Variants in NHSL2 observed in about 807,000 individuals in gnomAD.
NHSL2 encodes NHS like 2, also known as NHS-like protein 2.
In NHSL2, 27 loss-of-function variants were observed where a neutral mutation model predicts 53.4. That is an observed-to-expected ratio of 0.51 (90% CI 0.37 to 0.70). The LOEUF is 0.70. Ranked by LOEUF, NHSL2 falls within the 30% of genes least tolerant of loss-of-function variation. The pLI is 0.00. For synonymous variants in NHSL2, 408 were observed against 404.1 expected, an observed-to-expected ratio of 1.01 and a Z score of -0.12; for missense variants, 892 against 980.1, an observed-to-expected ratio of 0.91 and a Z score of 1.20.
intron 1 of NHSL2, among the ~76,000 whole-genome samples, chrX:71,995,502 G>A (rs996751629): frequency 8.9e-6 from 1 of 111,855 alleles, no homozygotes; most frequent in Admixed American, 9.4e-5. Flanking sequence ...CTCTGCACCA[G>A]CCACACTGGC....
chrX:72,082,453 T>G (rs1035133346), intron 1 of NHSL2, among the ~76,000 whole-genome samples: 1 of 111,957 alleles, frequency 8.9e-6, no homozygotes, highest in Non-Finnish European at 1.9e-5. Context: ...TGAGATGCAT[T>G]GTCTTTGCAT....
chrX:71,968,246 A>G (rs1362022412), intron 1 of NHSL2, among the ~76,000 whole-genome samples: 1 of 109,581 alleles, frequency 9.1e-6, no homozygotes, highest in Non-Finnish European at 1.9e-5. Context: ...CAGTCCTCCT[A>G]CCTTGGCCTC....
intron 1 of NHSL2, among the ~76,000 whole-genome samples, chrX:72,073,824 T>C (rs192841720): frequency 5.4e-4 from 61 of 112,498 alleles, no homozygotes; most frequent in African/African-American, 1.9e-3. Flanking sequence ...TTAGTAACCC[T>C]GGAGACTGGA....
chrX:71,924,950 T>A (rs1322743089), intron 1 of NHSL2, among the ~76,000 whole-genome samples: 12 of 112,519 alleles, frequency 1.1e-4, no homozygotes, highest in African/African-American at 3.9e-4. Flanking sequence ...TTATGTATTA[T>A]CATCTTTTAG....
Position 72,010,388 on chromosome X carries a change from G to T in NHSL2, c.280+99021G>T, listed in dbSNP as rs140183553. Among the ~76,000 whole-genome samples the T allele has an allele frequency of 5.5e-3, 612 of 112,014 alleles. 5 individuals carry two copies. Among genetic ancestry groups the T allele is most frequent in the African/African-American group, 0.019 (583 of 30,822 alleles). On this transcript the variant is annotated intron_variant, in intron 1 of 7. Coordinates refer to ENST00000633930, the MANE Select transcript of NHSL2 (RefSeq NM_001013627.3). ...TCTAGAACAATGTAGTTGTGTCCAGGCTGATGTTTTTATTATACAAATAAC... is the reference window on the plus strand; with the variant it reads ...TCTAGAACAATGTAGTTGTGTCCAGTCTGATGTTTTTATTATACAAATAAC...
chrX:72,048,324 T>G (rs187468232), intron 1 of NHSL2, among the ~76,000 whole-genome samples: 50 of 110,383 alleles, frequency 4.5e-4, no homozygotes, highest in African/African-American at 1.6e-3. Context: ...GAAAAGGTGG[T>G]TATTAGGAAG....
At chrX:72,074,135 C>T (rs936699862) in intron 1 of NHSL2, among the ~76,000 whole-genome samples, 11 of 110,033 alleles carry the variant, frequency 1.0e-4, no homozygotes, top group Non-Finnish European at 1.7e-4. Context: ...TCCCTCTCCC[C>T]GCAAGCAACC....
intron 6 of NHSL2, chrX:72,141,035 A>T (rs766979012): frequency 7.2e-5 from 20 of 277,579 alleles, no homozygotes; most frequent in African/African-American, 5.0e-4. Context: ...GAGATAATGA[A>T]ATCAAACTAG....
At chrX:72,049,712 C>G (rs2042328804) in intron 1 of NHSL2, among the ~76,000 whole-genome samples, 1 of 108,076 alleles carries the variant, frequency 9.3e-6, no homozygotes, top group Non-Finnish European at 1.9e-5. Flanking sequence ...GTTCTTACCT[C>G]AGGCAATGAT....
At chrX:72,069,353 T>TGGA (rs1245944296) in intron 1 of NHSL2, among the ~76,000 whole-genome samples, 1 of 94,787 alleles carries the variant, frequency 1.1e-5, no homozygotes, top group African/African-American at 4.2e-5. Flanking sequence ...GAACCTGGGC[T>TGGA]GCTCGACCCG....
intron 2 of NHSL2, among the ~76,000 whole-genome samples, 176 bp downstream of exon 2, chrX:72,132,410 A>G (rs1452079957): frequency 9.0e-6 from 1 of 111,426 alleles, no homozygotes; most frequent in Non-Finnish European, 1.9e-5. Context: ...GAAAGAGGCT[A>G]TTTCCAGGGC....
chrX:71,999,315 C>T (rs926827342), intron 1 of NHSL2, among the ~76,000 whole-genome samples: 1 of 112,273 alleles, frequency 8.9e-6, no homozygotes, highest in Admixed American at 9.4e-5. Flanking sequence ...CCCTAGAGGG[C>T]GCTCAATAAA....
chrX:72,121,942 T>C (rs2042184883), intron 1 of NHSL2, among the ~76,000 whole-genome samples: 1 of 112,482 alleles, frequency 8.9e-6, no homozygotes, highest in Non-Finnish European at 1.9e-5. Flanking sequence ...TTGTTGTAAG[T>C]ATCTCAAAAA....
rs55912050 is a variant in NHSL2 at position 72,144,704 on chromosome X, G to GCA, written c.*1171_*1172dup. Reference sequence around the variant, plus strand: ...CTTGCCAGTTGCTATGGCCCATAATGCACACACACACACACACACACACAC... The same window carrying GCA: ...CTTGCCAGTTGCTATGGCCCATAATGCACACACACACACACACACACACACAC... On this transcript the variant is annotated 3_prime_UTR_variant, in exon 8 of 8. Coordinates refer to ENST00000633930, the MANE Select transcript of NHSL2 (RefSeq NM_001013627.3). 3,450 of 158,996 alleles carry GCA rather than the reference G, an allele frequency of 0.022. 158 individuals carry two copies. Among genetic ancestry groups the GCA allele is most frequent in the African/African-American group, 0.11 (3,102 of 27,390 alleles). The allele number at this position is 158,996 out of a possible 1,213,427, so 13.1% of individuals were successfully genotyped here.
intron 1 of NHSL2, among the ~76,000 whole-genome samples, chrX:72,046,663 G>A (rs2042307450): frequency 9.0e-6 from 1 of 110,689 alleles, no homozygotes; most frequent in African/African-American, 3.3e-5. Flanking sequence ...CTAGACTGAG[G>A]ATTATGCTCT....
rs2147512357 is a variant in NHSL2 at position 72,131,664 on chromosome X, A to T, written c.281-415A>T. 3 of 624,257 alleles carry T rather than the reference A, an allele frequency of 4.8e-6. No homozygotes were observed. The East Asian group carries it at 1.2e-4, about 26-fold the overall frequency. 51.4% of individuals were successfully genotyped at this position (624,257 alleles called of 1,213,427 possible). On this transcript the variant is annotated intron_variant, in intron 1 of 7. Transcript: ENST00000633930. ...AGGGACCGAAGTGCGGCAGCGGGGC[A>T]CGGGCCAGGCCGGGCCACACCCACC...
intron 1 of NHSL2, among the ~76,000 whole-genome samples, chrX:71,982,874 A>G (rs183117204): frequency 1.8e-5 from 2 of 112,428 alleles, no homozygotes; most frequent in East Asian, 5.6e-4. Flanking sequence ...TAGCAAATTA[A>G]TAGAAGAAAA....
At chrX:72,033,743 G>T (rs2042227603) in intron 1 of NHSL2, among the ~76,000 whole-genome samples, 1 of 111,883 alleles carries the variant, frequency 8.9e-6, no homozygotes, top group Non-Finnish European at 1.9e-5. Context: ...ATCTTTTATA[G>T]TGCAACCTTG....
chrX:71,996,537 G>C (rs2042050843), intron 1 of NHSL2, among the ~76,000 whole-genome samples: 1 of 112,621 alleles, frequency 8.9e-6, no homozygotes, highest in Non-Finnish European at 1.9e-5. Context: ...ACCAAACTCT[G>C]TAGAAGAGTC....
Sources: gnomAD v4.1 joint callset for allele counts (sites outside exome capture counted in the v4.1 genomes callset) on GRCh38, gnomAD v4.1.1 for gene constraint, MANE v1.5 for transcripts, NCBI Gene and HGNC (gene_info 2026-07-23, HGNC 2026-07-21) for gene names.